The following ITIH1 variants were observed in gnomAD, a reference collection of about 807,000 sequenced individuals.
ITIH1 encodes the protein inter-alpha-trypsin inhibitor heavy chain 1, also known as inter-alpha-trypsin inhibitor heavy chain H1.
A neutral mutation model predicts 104.6 loss-of-function variants in ITIH1; 94 were observed. The ratio of observed to expected loss-of-function variants is 0.90; its 90% CI spans 0.76 to 1.07. The LOEUF is 1.07. Ranked by LOEUF, ITIH1 falls within the 50% of genes least tolerant of loss-of-function variation. ITIH1 has a pLI of 0.00. For synonymous variants in ITIH1, 455 were observed against 464.4 expected (o/e 0.98, Z 0.26); for missense variants, 1,193 against 1,181.4 (o/e 1.01, Z -0.14).
chr3:52,780,322 C>T lies in ITIH1; in HGVS notation c.627C>T (p.Ala209=), dbSNP rs1438378677. ...GGATCAGCAAGCTGGATGCCCAGGC[C>T]TCTTTCCTGCCGAAGGAACTGGCAG... ...PQGISKLDAQ[A]SFLPKELAAQ... The change falls in exon 6 of 22, where the codon GCC becomes GCT. Residue 209 remains alanine, a synonymous_variant. Coordinates refer to ENST00000273283, the MANE Select transcript of ITIH1 (RefSeq NM_002215.4). The T allele has an allele frequency of 3.1e-6, 5 of 1,614,114 alleles. No individual in the cohort carries two copies. The highest frequency in any genetic ancestry group is 4.2e-6 in the Non-Finnish European group (5 of 1,180,010).
intron 11 of ITIH1, 43 bp downstream of exon 11, chr3:52,784,520 G>T: frequency 1.3e-6 from 2 of 1,588,664 alleles, no homozygotes; most frequent in Non-Finnish European, 1.7e-6. Context: ...GCATGCCATA[G>T]GGAGCCCTGC....
intron 19 of ITIH1, chr3:52,790,218 G>T: frequency 2.9e-6 from 1 of 347,830 alleles, no homozygotes; most frequent in Non-Finnish European, 5.4e-6. Context: ...TTCTCATTTG[G>T]CATGTCTTAG....
chr3:52,778,814 T>A, intron 3 of ITIH1, 128 bp from the exon 4 acceptor site: 11 of 1,035,946 alleles, frequency 1.1e-5, no homozygotes, highest in Non-Finnish European at 1.4e-5. Context: ...GACCCCTGAG[T>A]TCCACCATGG....
intron 11 of ITIH1, 97 bp downstream of exon 11, chr3:52,784,574 T>C: frequency 8.0e-7 from 1 of 1,249,002 alleles, no homozygotes. Context: ...CAGATAAAGC[T>C]CTGGCATAGA....
intron 15 of ITIH1, 75 bp from the exon 16 acceptor site, chr3:52,787,517 G>C (rs1391335158): frequency 6.4e-7 from 1 of 1,571,886 alleles, no homozygotes; most frequent in African/African-American, 1.4e-5. Context: ...GCCTGTTGTG[G>C]ACAGAGCTGC....
chr3:52,778,067 G>C (rs1373669653), intron 2 of ITIH1, 50 bp downstream of exon 2: 1 of 1,606,660 alleles, frequency 6.2e-7, no homozygotes, highest in Non-Finnish European at 8.5e-7. Context: ...CTTTTTACAG[G>C]CTTGCTTTCC....
At position 52,779,419 on chromosome 3, in the gene ITIH1, G is replaced by T. The variant is rs1385302610; in HGVS notation, c.411-13G>T. 1 of 1,614,060 alleles carries T rather than the reference G, an allele frequency of 6.2e-7. No individual in the cohort carries two copies. Among genetic ancestry groups the T allele is most frequent in the African/African-American group, 1.3e-5 (1 of 74,928 alleles). On this transcript the variant is annotated splice_polypyrimidine_tract_variant and intron_variant, in intron 4 of 21. Coordinates refer to ENST00000273283, the MANE Select transcript of ITIH1 (RefSeq NM_002215.4). This position sits in a 1 kb window ranked among gnomAD's most constrained non-coding sequence, Gnocchi z 4.4. ...CTCTGTCTGTCTGCTGTTGCCTCTG[G>T]TGGCACATCCAGGGCCTCGGGGAGA...
chr3:52,783,097 CTT>C lies in ITIH1; in HGVS notation c.1073_1074del (p.Phe358CysfsTer8). On this transcript the variant is annotated frameshift_variant, in exon 9 of 22. Coordinates refer to ENST00000273283, the MANE Select transcript of ITIH1 (RefSeq NM_002215.4). LOFTEE classifies it high-confidence loss of function. Reference sequence around the variant, plus strand: ...AGGCCAACCTACAAGCAGCTCAAGACTTTGTGCGGGGCTTTTCCCTGGATGAG... The same window carrying C: ...AGGCCAACCTACAAGCAGCTCAAGACTGTGCGGGGCTTTTCCCTGGATGAG... The part of the protein sequence containing the change: ...SEANLQAAQD[F>X]VRGFSLDEAT... 6.2e-7 allele frequency: 1 copy of C among 1,614,070 alleles called. No individual in the cohort carries two copies. The highest frequency in any genetic ancestry group is 1.1e-5 in the South Asian group (1 of 91,076).
Position 52,779,967 on chromosome 3 carries a change from C to T in ITIH1, c.574-302C>T. 7.2e-7 allele frequency: 1 copy of T among 1,388,206 alleles called. No homozygotes were observed. The highest frequency in any genetic ancestry group is 9.3e-7 in the Non-Finnish European group (1 of 1,072,120). 86.0% of individuals were successfully genotyped at this position (1,388,206 alleles called of 1,614,324 possible). ...TGGTGGCTGAGTTGAGGGATGCAGG[C>T]ATGTACACCTTCATTTGGTCAGTAT... On this transcript the variant is annotated intron_variant, in intron 5 of 21. Coordinates refer to ENST00000273283, the MANE Select transcript of ITIH1 (RefSeq NM_002215.4). This position sits in a 1 kb window ranked among gnomAD's most constrained non-coding sequence, Gnocchi z 4.4.
At chr3:52,788,113 C>A in intron 17 of ITIH1, 47 bp downstream of exon 17, 1 of 1,545,440 alleles carries the variant, frequency 6.5e-7, no homozygotes, top group Non-Finnish European at 8.9e-7. Flanking sequence ...TGGGACCCAC[C>A]CTATCTGGCT....
chr3:52,779,025 G>C lies in ITIH1; in HGVS notation c.389G>C (p.Gly130Ala), dbSNP rs780709814. The change falls in exon 4 of 22, where the codon GGA (glycine) becomes GCA (alanine). Residue 130 changes from glycine to alanine, a missense_variant. Gly to Ala is a moderately conservative substitution (Grantham distance 60). Transcript: ENST00000273283. This position sits in a 1 kb window ranked among gnomAD's most constrained non-coding sequence, Gnocchi z 4.4. ...WKQYRKAAIS[G>A]ENAGLVRASG... ...CAGTACCGGAAAGCAGCTATCTCAG[G>C]AGAGAATGCCGGCCTTGTCAGGTGA... is the stretch of plus-strand genomic sequence containing the variant. 1 of 1,613,530 alleles carries C rather than the reference G, an allele frequency of 6.2e-7. No individual in the cohort carries two copies. The highest frequency in any genetic ancestry group is 8.5e-7 in the Non-Finnish European group (1 of 1,179,408).
intron 2 of ITIH1, 69 bp from the exon 3 acceptor site, chr3:52,778,271 G>T: frequency 6.6e-7 from 1 of 1,512,276 alleles, no homozygotes; most frequent in Non-Finnish European, 9.2e-7. Flanking sequence ...CCAAGTCCCC[G>T]TACCACAGGA....
intron 10 of ITIH1, among the ~76,000 whole-genome samples, chr3:52,783,951 G>C (rs1699132078): frequency 6.6e-6 from 1 of 152,118 alleles, no homozygotes; most frequent in Non-Finnish European, 1.5e-5. Flanking sequence ...TGCACTGGCA[G>C]GGCCTGCCCG....
chr3:52,789,618 C>A, intron 18 of ITIH1, 35 bp from the exon 19 acceptor site: 1 of 1,601,720 alleles, frequency 6.2e-7, no homozygotes, highest in South Asian at 1.1e-5. Flanking sequence ...AGGCAGGCCC[C>A]TTCCCAACCC....
chr3:52,780,959 C>T (rs1699019161), intron 6 of ITIH1, among the ~76,000 whole-genome samples: 1 of 152,198 alleles, frequency 6.6e-6, no homozygotes, highest in Non-Finnish European at 1.5e-5. Flanking sequence ...GGAACAAATC[C>T]TTTAGTTCCC....
chr3:52,789,732 G>A lies in ITIH1; in HGVS notation c.2199G>A (p.Leu733=). The change falls in exon 19 of 22, where the codon CTG becomes CTA. Residue 733 remains leucine, a synonymous_variant. Transcript: ENST00000273283. ...GQHDGTYFGR[L]GIANPATDFQ... The stretch of plus-strand genomic sequence containing the variant: ...ATGACGGCACGTACTTCGGGCGGCT[G>A]GGAATCGCAAACCCTGCCACGGACT... 2.5e-6 allele frequency: 4 copies of A among 1,614,236 alleles called. No individual in the cohort carries two copies. The highest frequency in any genetic ancestry group is 3.4e-6 in the Non-Finnish European group (4 of 1,180,044).
intron 19 of ITIH1, 111 bp from the exon 20 acceptor site, chr3:52,790,638 C>G (rs1699328196): frequency 9.3e-7 from 1 of 1,070,206 alleles, no homozygotes; most frequent in Non-Finnish European, 1.4e-6. Context: ...GGGATGAAGG[C>G]CATGGGGTGG....
Position 52,779,657 on chromosome 3 carries a change from T to C in ITIH1, c.573+63T>C. The C allele has an allele frequency of 1.9e-6, 3 of 1,576,354 alleles. No individual in the cohort carries two copies. Among genetic ancestry groups the C allele is most frequent in the Non-Finnish European group, 2.6e-6 (3 of 1,146,386 alleles). On this transcript the variant is annotated intron_variant, in intron 5 of 21. Transcript: ENST00000273283. This position sits in a 1 kb window ranked among gnomAD's most constrained non-coding sequence, Gnocchi z 4.4. ...TCTCCGTCACCATGGCTCCCAACAC[T>C]GGTTGAGCACCCACCATGTGTCACC...
In ITIH1 at chr3:52,783,002, G is replaced by C. The variant is rs769433976; in HGVS notation, c.976G>C (p.Asp326His). 6.2e-7 allele frequency: 1 copy of C among 1,613,992 alleles called. No individual in the cohort carries two copies. Among genetic ancestry groups the C allele is most frequent in the African/African-American group, 1.3e-5 (1 of 74,902 alleles). ...AATTCTGGGGGACATGCAGCCAGGGGACTACTTTGACCTGGTTCTTTTTGG... is the reference window on the plus strand; with the variant it reads ...AATTCTGGGGGACATGCAGCCAGGGCACTACTTTGACCTGGTTCTTTTTGG... ...LKILGDMQPG[D>H]YFDLVLFGTR... Residue 326 changes from aspartate (D) to histidine (H), a missense_variant, in exon 9 of 22, where the codon GAC becomes CAC. Asp to His is a moderately conservative substitution (Grantham distance 81). Transcript: ENST00000273283.
Sources: gnomAD v4.1 joint callset for allele counts (sites outside exome capture counted in the v4.1 genomes callset) on GRCh38, gnomAD v4.1.1 for gene constraint, Gnocchi (gnomAD v3.1) non-coding constraint, MANE v1.5 for transcripts, NCBI Gene and HGNC (gene_info 2026-07-23, HGNC 2026-07-21) for gene names.